ZC3H12B: variants seen among roughly 807,000 people sequenced by gnomAD.
The protein encoded by ZC3H12B is probable ribonuclease ZC3H12B.
ZC3H12B carries 7 observed loss-of-function variants against 43.9 expected under a neutral mutation model. That is an observed-to-expected ratio of 0.16 (90% CI 0.09 to 0.30). ZC3H12B has a LOEUF of 0.30. ZC3H12B is among the 10% of genes least tolerant of loss of function. ZC3H12B has a pLI of 1.00. For synonymous variants in ZC3H12B, 222 were observed against 241.7 expected (o/e 0.92, Z 0.76); for missense variants, 475 against 670.2 (o/e 0.71, Z 3.22).
the ZC3H12B span, among the ~76,000 whole-genome samples, chrX:65,182,941 GA>G: frequency 9.0e-6 from 1 of 111,190 alleles, no homozygotes; most frequent in Admixed American, 9.6e-5. Context: ...GCTAGGTTGT[GA>G]AAAAAAAGGC....
chrX:65,466,206 C>T (rs1020604651), intron 3 of ZC3H12B, among the ~76,000 whole-genome samples: 1 of 110,642 alleles, frequency 9.0e-6, no homozygotes, highest in East Asian at 2.8e-4. Flanking sequence ...TCTCTGTTTC[C>T]GTGAGTTTGA....
chrX:65,362,439 C>T (rs968216063), upstream of ZC3H12B, among the ~76,000 whole-genome samples: 1 of 110,937 alleles, frequency 9.0e-6, no homozygotes, highest in Non-Finnish European at 1.9e-5. Context: ...TTAGTTATCC[C>T]CACTTGCCCA....
chrX:65,181,182 G>A, the ZC3H12B span, among the ~76,000 whole-genome samples: 1 of 111,594 alleles, frequency 9.0e-6, no homozygotes, highest in East Asian at 2.8e-4. Context: ...AATGGTGCTG[G>A]GAAAACTGGC....
chrX:65,127,675 C>T, the ZC3H12B span, among the ~76,000 whole-genome samples: 4 of 111,031 alleles, frequency 3.6e-5, no homozygotes, highest in Non-Finnish European at 7.6e-5. Flanking sequence ...TCAGCTCAGC[C>T]TCTTCTTGGG....
chrX:65,407,383 C>A (rs1430368538), intron 3 of ZC3H12B, among the ~76,000 whole-genome samples: 5 of 112,504 alleles, frequency 4.4e-5, no homozygotes, highest in Non-Finnish European at 9.4e-5. Context: ...GCGTGCCGAG[C>A]CGCCTTCCGG....
the ZC3H12B span, among the ~76,000 whole-genome samples, chrX:65,079,313 G>C: frequency 8.9e-6 from 1 of 112,740 alleles, no homozygotes; most frequent in African/African-American, 3.2e-5. Context: ...CTGAAGGGAA[G>C]GATGCAGGCC....
At chrX:65,439,165 C>T (rs1296358619) in intron 3 of ZC3H12B, among the ~76,000 whole-genome samples, 1 of 112,339 alleles carries the variant, frequency 8.9e-6, no homozygotes, top group Admixed American at 9.4e-5. Flanking sequence ...ACTCCAGTTC[C>T]TGGCATTAAG....
At chrX:65,241,153 G>T in the ZC3H12B span, among the ~76,000 whole-genome samples, 1 of 112,563 alleles carries the variant, frequency 8.9e-6, no homozygotes, top group African/African-American at 3.2e-5. Context: ...GTCTGGAAAG[G>T]CTGAGTTGAC....
At chrX:65,205,326 A>G in the ZC3H12B span, among the ~76,000 whole-genome samples, 1 of 111,744 alleles carries the variant, frequency 8.9e-6, no homozygotes, top group Non-Finnish European at 1.9e-5. Context: ...AAAAGAAGTA[A>G]CCAAAATTTT....
chrX:65,055,238 T>A, the ZC3H12B span, among the ~76,000 whole-genome samples: 53 of 111,717 alleles, frequency 4.7e-4, no homozygotes, highest in Non-Finnish European at 8.5e-4. Context: ...TAAATAGCTC[T>A]TATTATTTTG....
the ZC3H12B span, among the ~76,000 whole-genome samples, chrX:65,044,916 G>T: frequency 1.8e-5 from 2 of 108,357 alleles, no homozygotes; most frequent in Non-Finnish European, 3.8e-5. Flanking sequence ...GATTGCTTGA[G>T]CTCAGGAGTT....
the ZC3H12B span, among the ~76,000 whole-genome samples, chrX:65,073,088 G>T: frequency 1.8e-5 from 2 of 112,325 alleles, no homozygotes; most frequent in Non-Finnish European, 3.8e-5. Flanking sequence ...GTGCTGACAG[G>T]CTCTGTGCCT....
intron 3 of ZC3H12B, among the ~76,000 whole-genome samples, chrX:65,436,304 G>A (rs2067221307): frequency 1.8e-5 from 2 of 112,321 alleles, no homozygotes; most frequent in Non-Finnish European, 3.8e-5. Context: ...TGGGATTTTG[G>A]TGGGGACACA....
At chrX:65,382,447 G>A (rs973155719) in intron 2 of ZC3H12B, among the ~76,000 whole-genome samples, 4 of 111,161 alleles carry the variant, frequency 3.6e-5, no homozygotes, top group African/African-American at 1.3e-4. Flanking sequence ...TTGATGGGAC[G>A]TATCTCAAAA....
chrX:65,181,574 A>C, the ZC3H12B span, among the ~76,000 whole-genome samples: 1 of 111,849 alleles, frequency 8.9e-6, no homozygotes, highest in African/African-American at 3.2e-5. Flanking sequence ...AAATAACCTC[A>C]TCAGAAAGTG....
At chrX:65,196,797 A>T in the ZC3H12B span, among the ~76,000 whole-genome samples, 1 of 111,474 alleles carries the variant, frequency 9.0e-6, no homozygotes, top group Non-Finnish European at 1.9e-5. Flanking sequence ...ACCAGGCCAA[A>T]ATAACAAAGA....
chrX:65,164,270 C>T, the ZC3H12B span, among the ~76,000 whole-genome samples: 5 of 111,246 alleles, frequency 4.5e-5, no homozygotes, highest in Non-Finnish European at 7.5e-5. Flanking sequence ...TCTTTTTGCA[C>T]TGAGTCAGTT....
At chrX:65,071,637 G>A in the ZC3H12B span, among the ~76,000 whole-genome samples, 1 of 111,890 alleles carries the variant, frequency 8.9e-6, no homozygotes, top group Non-Finnish European at 1.9e-5. Context: ...CTCTTGGAAG[G>A]CAGTTCTGGT....
chrX:65,082,716 T>C, the ZC3H12B span, among the ~76,000 whole-genome samples: 7 of 111,141 alleles, frequency 6.3e-5, no homozygotes, highest in Non-Finnish European at 1.3e-4. Context: ...ACTCAAACTA[T>C]TCCAAAAATT....
Sources: allele counts gnomAD v4.1 joint callset (sites outside exome capture counted in the v4.1 genomes callset), GRCh38; gene constraint gnomAD v4.1.1; transcripts MANE v1.5; gene names NCBI Gene and HGNC (gene_info 2026-07-23, HGNC 2026-07-21).